HTR1F: variants seen among roughly 807,000 people sequenced by gnomAD.
HTR1F encodes 5-hydroxytryptamine receptor 1F.
HTR1F carries 17 observed loss-of-function variants against 24.0 expected under a neutral mutation model. The ratio of observed to expected loss-of-function variants is 0.71; its 90% CI spans 0.48 to 1.06. The LOEUF (loss-of-function observed/expected upper bound fraction) is 1.06, where lower values mean the gene tolerates loss of function less well. Among genes scored for constraint, HTR1F ranks in the 50% least tolerant of loss-of-function variants. HTR1F has a pLI of 0.00. For missense variants in HTR1F, 391 were observed against 427.8 expected (o/e 0.91, Z 0.76); for synonymous variants, 186 against 156.8 (o/e 1.19, Z -1.39).
chr3:87,822,885 G>A (rs2130351), intron 2 of HTR1F, among the ~76,000 whole-genome samples: 19 of 152,082 alleles, frequency 1.2e-4, no homozygotes, highest in East Asian at 3.9e-4. Context: ...GCTCCTAGCC[G>A]GATAATATTA....
intron 2 of HTR1F, among the ~76,000 whole-genome samples, chr3:87,859,916 T>C (rs968286742): frequency 6.6e-6 from 1 of 152,184 alleles, no homozygotes; most frequent in Non-Finnish European, 1.5e-5. Context: ...ATCATGAATA[T>C]TGATGCCTTG....
intron 2 of HTR1F, among the ~76,000 whole-genome samples, chr3:87,881,434 G>T (rs117062334): frequency 6.6e-6 from 1 of 152,116 alleles, no homozygotes; most frequent in African/African-American, 2.4e-5. Context: ...TGGGAAGCTC[G>T]AACCAGGCAG....
chr3:87,807,215 G>A (rs2932269), intron 1 of HTR1F, among the ~76,000 whole-genome samples: 20,797 of 151,874 alleles, frequency 0.14, 4,438 homozygotes, highest in African/African-American at 0.46. Flanking sequence ...GATCACAAGG[G>A]GCAGTATGGT....
chr3:87,847,529 TAC>T (rs1704973143), intron 2 of HTR1F, among the ~76,000 whole-genome samples: 1 of 151,898 alleles, frequency 6.6e-6, no homozygotes, highest in African/African-American at 2.4e-5. Flanking sequence ...ATTATTTTTT[TAC>T]ACTGATATCA....
chr3:87,918,120 CATGA>C (rs1418264135), intron 2 of HTR1F, among the ~76,000 whole-genome samples: 2 of 151,962 alleles, frequency 1.3e-5, no homozygotes, highest in Non-Finnish European at 2.9e-5. Context: ...ACAAAAATCA[CATGA>C]TTATCTCCAT....
chr3:87,854,085 T>A (rs1705149402), intron 2 of HTR1F, among the ~76,000 whole-genome samples: 1 of 152,036 alleles, frequency 6.6e-6, no homozygotes, highest in Non-Finnish European at 1.5e-5. Flanking sequence ...ATTTCTATAG[T>A]AATTGTTCAC....
intron 2 of HTR1F, among the ~76,000 whole-genome samples, chr3:87,858,659 C>A (rs545753468): frequency 6.6e-6 from 1 of 150,704 alleles, no homozygotes; most frequent in Non-Finnish European, 1.5e-5. Context: ...TGGATATTCT[C>A]GGTTTTTTTT....
At chr3:87,985,268 G>A (rs1338954270) in intron 2 of HTR1F, among the ~76,000 whole-genome samples, 2 of 151,996 alleles carry the variant, frequency 1.3e-5, no homozygotes, top group Admixed American at 1.3e-4. Context: ...CCAGGAGGCA[G>A]AGGTTGCGGT....
intron 2 of HTR1F, among the ~76,000 whole-genome samples, chr3:87,919,114 A>G (rs922947916): frequency 2.0e-5 from 3 of 151,970 alleles, no homozygotes; most frequent in Middle Eastern, 3.2e-3. Flanking sequence ...ACAAAAACAT[A>G]AAGTGGAGAA....
intron 2 of HTR1F, among the ~76,000 whole-genome samples, chr3:87,962,173 C>A (rs749151178): frequency 4.0e-5 from 6 of 151,848 alleles, no homozygotes; most frequent in Non-Finnish European, 7.4e-5. Flanking sequence ...TTTTTGCAAA[C>A]AAATGATAAA....
chr3:87,845,429 T>C (rs1297668963), intron 2 of HTR1F, among the ~76,000 whole-genome samples: 1 of 149,548 alleles, frequency 6.7e-6, no homozygotes, highest in African/African-American at 2.5e-5. Flanking sequence ...AGCATTCCTA[T>C]ACACCAACAA....
At chr3:87,988,167 G>A (rs1364123555) in intron 2 of HTR1F, among the ~76,000 whole-genome samples, 1 of 152,072 alleles carries the variant, frequency 6.6e-6, no homozygotes, top group Non-Finnish European at 1.5e-5. Context: ...GTGGGACACA[G>A]CAATCTGCTT....
At chr3:87,864,370 G>T (rs1435051590) in intron 2 of HTR1F, among the ~76,000 whole-genome samples, 1 of 152,136 alleles carries the variant, frequency 6.6e-6, no homozygotes, top group African/African-American at 2.4e-5. Flanking sequence ...CTAGGAGTCT[G>T]CACCACATAT....
intron 2 of HTR1F, among the ~76,000 whole-genome samples, chr3:87,898,582 T>A (rs1218118323): frequency 6.6e-6 from 1 of 152,138 alleles, no homozygotes; most frequent in Non-Finnish European, 1.5e-5. Context: ...TTAGAAAAAA[T>A]AATTTTATAT....
At chr3:87,929,558 T>A (rs1704210617) in intron 2 of HTR1F, among the ~76,000 whole-genome samples, 1 of 152,144 alleles carries the variant, frequency 6.6e-6, no homozygotes, top group Non-Finnish European at 1.5e-5. Context: ...GAATAAGAGG[T>A]TGTGTCCCCA....
chr3:87,966,738 G>A (rs1163293384), intron 2 of HTR1F, among the ~76,000 whole-genome samples: 1 of 151,790 alleles, frequency 6.6e-6, no homozygotes, highest in Admixed American at 6.6e-5. Context: ...CCTTTGTCAG[G>A]GCGTGGAAAA....
intron 2 of HTR1F, among the ~76,000 whole-genome samples, chr3:87,950,919 T>A (rs1262491565): frequency 3.9e-5 from 6 of 152,188 alleles, no homozygotes; most frequent in Admixed American, 2.0e-4. Context: ...ATTTAGACAG[T>A]CCTTGGAAAC....
intron 2 of HTR1F, among the ~76,000 whole-genome samples, chr3:87,979,960 C>G (rs1431216437): frequency 6.6e-6 from 1 of 152,172 alleles, no homozygotes; most frequent in Non-Finnish European, 1.5e-5. Context: ...CTGCAGAGCC[C>G]CGAAGAGAGT....
intron 2 of HTR1F, among the ~76,000 whole-genome samples, chr3:87,914,334 G>T (rs1445176872): frequency 1.3e-5 from 2 of 152,126 alleles, no homozygotes; most frequent in East Asian, 1.9e-4. Context: ...TGAACTGATC[G>T]AGAAGCCTCC....
Sources: allele counts gnomAD v4.1 joint callset (sites outside exome capture counted in the v4.1 genomes callset), GRCh38; gene constraint gnomAD v4.1.1; transcripts MANE v1.5; gene names NCBI Gene and HGNC (gene_info 2026-07-23, HGNC 2026-07-21).